RUNX2: variants seen among roughly 807,000 people sequenced by gnomAD.
RUNX2 encodes RUNX family transcription factor 2.
In RUNX2, 10 loss-of-function variants were observed where a neutral mutation model predicts 51.7. The observed-to-expected ratio is 0.19, with a 90% confidence interval of 0.12 to 0.33. The LOEUF (loss-of-function observed/expected upper bound fraction) is 0.33, where lower values mean the gene tolerates loss of function less well. Ranked by LOEUF, RUNX2 falls within the 10% of genes least tolerant of loss-of-function variation. The pLI is 1.00. For missense variants in RUNX2, 562 were observed against 691.3 expected (o/e 0.81, Z 2.10); for synonymous variants, 276 against 273.6 (o/e 1.01, Z -0.09).
intron 6 of RUNX2, among the ~76,000 whole-genome samples, chr6:45,510,410 G>A (rs1007926903): frequency 7.9e-5 from 12 of 152,048 alleles, no homozygotes; most frequent in Non-Finnish European, 1.0e-4. Context: ...TAATTATTTT[G>A]ACTCAAGGAA....
chr6:45,382,478 A>T (rs1381330499), intron 2 of RUNX2, among the ~76,000 whole-genome samples: 4 of 152,228 alleles, frequency 2.6e-5, no homozygotes, highest in African/African-American at 4.8e-5. Context: ...AGAAAGTAGT[A>T]TTTGAAGAAT....
chr6:45,447,224 G>A (rs182252974), intron 5 of RUNX2, among the ~76,000 whole-genome samples: 68 of 152,298 alleles, frequency 4.5e-4, no homozygotes, highest in Admixed American at 2.7e-3. Flanking sequence ...GACCTTTGCC[G>A]GCCTTGAGGC....
At chr6:45,374,492 C>T (rs1582016659) in intron 2 of RUNX2, among the ~76,000 whole-genome samples, 1 of 152,198 alleles carries the variant, frequency 6.6e-6, no homozygotes, top group Non-Finnish European at 1.5e-5. Flanking sequence ...GAACTCAAAT[C>T]AAGTGTTAGA....
In RUNX2 at chr6:45,546,888, T is replaced by A; in HGVS notation, c.1149T>A (p.Thr383=). ...PRQFPSISSL[T]ESRFSNPRMH... ...AGTTCCCAAGCATTTCATCCCTCAC[T>A]GAGAGCCGCTTCTCCAACCCACGAA... The change falls in exon 9 of 9, where the codon ACT becomes ACA. Residue 383 remains threonine (T), a synonymous_variant. Transcript: ENST00000647337. 2 of 1,614,080 alleles carry A rather than the reference T, an allele frequency of 1.2e-6. No individual in the cohort carries two copies. The highest frequency in any genetic ancestry group is 1.7e-6 in the Non-Finnish European group (2 of 1,179,994).
Position 45,328,430 on chromosome 6 carries a change from T to C in RUNX2, c.-97T>C. 2 of 1,445,978 alleles carry C rather than the reference T, an allele frequency of 1.4e-6. No individual in the cohort carries two copies. Among genetic ancestry groups the C allele is most frequent in the Non-Finnish European group, 1.9e-6 (2 of 1,074,724 alleles). The allele number at this position is 1,445,978 out of a possible 1,614,324, so 89.6% of individuals were successfully genotyped here. On this transcript the variant is annotated 5_prime_UTR_variant, in exon 1 of 9. Coordinates refer to ENST00000647337, the MANE Select transcript of RUNX2 (RefSeq NM_001024630.4). ...TTTTTAAATGGTTAATCTCCGCAGG[T>C]CACTACCAGCCACCGAGACCAACAG... is the stretch of plus-strand genomic sequence containing the variant.
intron 5 of RUNX2, among the ~76,000 whole-genome samples, chr6:45,444,572 G>A (rs973887663): frequency 6.6e-6 from 1 of 152,196 alleles, no homozygotes; most frequent in Admixed American, 6.5e-5. Flanking sequence ...GCTTGCCTTA[G>A]TATCCTGCTT....
In RUNX2 at chr6:45,438,006, C is replaced by T; in HGVS notation, c.640C>T (p.His214Tyr). The T allele has an allele frequency of 2.5e-6, 4 of 1,613,426 alleles. No individual in the cohort carries two copies. The highest frequency in any genetic ancestry group is 3.4e-6 in the Non-Finnish European group (4 of 1,179,468). Residue 214 changes from histidine (H) to tyrosine (Y), a missense_variant, in exon 5 of 9, where the codon CAC becomes TAC. Coordinates refer to ENST00000647337, the MANE Select transcript of RUNX2 (RefSeq NM_001024630.4). ...FTNPPQVATY[H>Y]RAIKVTVDGP... is the part of the protein sequence containing the mutation. ...AAATCCTCCCCAAGTAGCTACCTAT[C>T]ACAGAGCAATTAAAGTTACAGTAGA...
intron 5 of RUNX2, among the ~76,000 whole-genome samples, chr6:45,477,455 G>A (rs1329716502): frequency 6.6e-6 from 1 of 152,146 alleles, no homozygotes; most frequent in Admixed American, 6.5e-5. Context: ...CACAGCGTTA[G>A]GGATTCCCCA....
intron 2 of RUNX2, among the ~76,000 whole-genome samples, chr6:45,333,403 C>T (rs1156460856): frequency 6.6e-6 from 1 of 151,496 alleles, no homozygotes; most frequent in Non-Finnish European, 1.5e-5. Context: ...AGATTAAATG[C>T]TCTTTTACTG....
At chr6:45,450,455 G>A (rs950650783) in intron 5 of RUNX2, among the ~76,000 whole-genome samples, 6 of 152,176 alleles carry the variant, frequency 3.9e-5, no homozygotes, top group Non-Finnish European at 8.8e-5. Flanking sequence ...CCAGGCAGGC[G>A]TGATCCTCCC....
At chr6:45,354,893 A>G (rs538886992) in intron 2 of RUNX2, among the ~76,000 whole-genome samples, 4 of 152,306 alleles carry the variant, frequency 2.6e-5, no homozygotes, top group East Asian at 3.9e-4. Flanking sequence ...AGTAGTAATT[A>G]TAATATGGGC....
intron 7 of RUNX2, among the ~76,000 whole-genome samples, chr6:45,518,411 A>T (rs1442773096): frequency 6.6e-6 from 1 of 152,184 alleles, no homozygotes; most frequent in African/African-American, 2.4e-5. Context: ...ATCTTTTGAC[A>T]TAGCAGATGG....
intron 7 of RUNX2, among the ~76,000 whole-genome samples, chr6:45,525,317 A>G (rs1335844971): frequency 1.3e-5 from 2 of 152,224 alleles, no homozygotes; most frequent in East Asian, 3.8e-4. Context: ...TTGCCTCCCA[A>G]AGAAGAATTG....
In RUNX2 at chr6:45,548,619, A is replaced by T. The variant is rs1252117893; in HGVS notation, c.*1314A>T. On this transcript the variant is annotated 3_prime_UTR_variant, in exon 9 of 9. Transcript: ENST00000647337. ...CTTGTCATATTAAAAAGACAAGCAC[A>T]AGTAAATCATTGAACTACAGAAAAA... is the stretch of plus-strand genomic sequence containing the variant. 1 of 152,824 alleles carries T rather than the reference A, an allele frequency of 6.5e-6. No individual in the cohort carries two copies. Among genetic ancestry groups the T allele is most frequent in the Non-Finnish European group, 1.5e-5 (1 of 68,132 alleles). 9.5% of individuals were successfully genotyped at this position (152,824 alleles called of 1,614,324 possible).
intron 2 of RUNX2, among the ~76,000 whole-genome samples, chr6:45,391,025 A>C (rs975678089): frequency 3.9e-5 from 6 of 152,244 alleles, no homozygotes; most frequent in African/African-American, 1.4e-4. Flanking sequence ...CAATTAAAAG[A>C]GGAAGAAAGA....
chr6:45,488,162 C>T (rs1399543122), intron 5 of RUNX2, among the ~76,000 whole-genome samples: 4 of 151,964 alleles, frequency 2.6e-5, no homozygotes, highest in Non-Finnish European at 5.9e-5. Flanking sequence ...AGAACTGAAT[C>T]GATTTGAGAT....
At chr6:45,375,344 T>C (rs752895314) in intron 2 of RUNX2, among the ~76,000 whole-genome samples, 2 of 152,196 alleles carry the variant, frequency 1.3e-5, no homozygotes, top group Non-Finnish European at 2.9e-5. Context: ...TGAAAGGGGT[T>C]CTATTAAATA....
chr6:45,528,590 C>A (rs537182923), intron 7 of RUNX2, among the ~76,000 whole-genome samples: 1 of 151,968 alleles, frequency 6.6e-6, no homozygotes, highest in African/African-American at 2.4e-5. Flanking sequence ...CACTGCACTC[C>A]AGCCTGGGTG....
intron 2 of RUNX2, among the ~76,000 whole-genome samples, chr6:45,372,575 A>G (rs568811770): frequency 6.6e-6 from 1 of 152,242 alleles, no homozygotes; most frequent in Non-Finnish European, 1.5e-5. Flanking sequence ...TTTATAAAGT[A>G]TATTCACATA....
Sources: gnomAD v4.1 joint callset for allele counts (sites outside exome capture counted in the v4.1 genomes callset) on GRCh38, gnomAD v4.1.1 for gene constraint, MANE v1.5 for transcripts, NCBI Gene and HGNC (gene_info 2026-07-23, HGNC 2026-07-21) for gene names.